ADGRL4: variants seen among roughly 807,000 people sequenced by gnomAD.
ADGRL4 encodes the protein adhesion G protein-coupled receptor L4.
Under a neutral mutation model 74.8 loss-of-function variants are expected in ADGRL4, and 90 were observed. That is an observed-to-expected ratio of 1.20 (90% CI 1.02 to 1.43). The LOEUF (loss-of-function observed/expected upper bound fraction) is 1.43. ADGRL4 is among the 40% of genes most tolerant of loss of function. The pLI, the probability that ADGRL4 is intolerant of heterozygous loss-of-function variation, is 0.00. For missense variants in ADGRL4, 881 were observed against 814.3 expected (o/e 1.08, Z -1.00); for synonymous variants, 311 against 279.2 (o/e 1.11, Z -1.14).
chr1:79,002,020 C>A (rs1329296244), intron 2 of ADGRL4, among the ~76,000 whole-genome samples: 1 of 151,962 alleles, frequency 6.6e-6, no homozygotes. Flanking sequence ...GGATTTGTTT[C>A]AGTAACATAT....
At chr1:78,992,070 A>C (rs1650617672) in intron 2 of ADGRL4, among the ~76,000 whole-genome samples, 1 of 152,058 alleles carries the variant, frequency 6.6e-6, no homozygotes, top group Non-Finnish European at 1.5e-5. Flanking sequence ...TTTCTCCCTG[A>C]TAGCATTTTC....
chr1:78,961,020 T>C (rs1283697882), intron 2 of ADGRL4, among the ~76,000 whole-genome samples: 1 of 152,208 alleles, frequency 6.6e-6, no homozygotes, highest in Non-Finnish European at 1.5e-5. Context: ...AGTAAGTTTT[T>C]TTCATCAAAA....
chr1:78,896,702 A>T (rs1453130603), intron 12 of ADGRL4, among the ~76,000 whole-genome samples: 1 of 152,140 alleles, frequency 6.6e-6, no homozygotes, highest in Admixed American at 6.6e-5. Flanking sequence ...TCATAATAAC[A>T]GTCAGACTGA....
intron 12 of ADGRL4, among the ~76,000 whole-genome samples, chr1:78,907,438 T>C (rs1222779082): frequency 6.6e-6 from 1 of 151,938 alleles, no homozygotes; most frequent in African/African-American, 2.4e-5. Context: ...GATAATATAC[T>C]GAGAGAAAAT....
intron 12 of ADGRL4, among the ~76,000 whole-genome samples, chr1:78,907,948 A>C (rs1220112810): frequency 6.6e-6 from 1 of 152,000 alleles, no homozygotes; most frequent in Non-Finnish European, 1.5e-5. Flanking sequence ...CATCAAAAAG[A>C]ATCTTAAATA....
chr1:78,903,832 A>G (rs1648568767), intron 12 of ADGRL4, among the ~76,000 whole-genome samples: 1 of 151,852 alleles, frequency 6.6e-6, no homozygotes, highest in African/African-American at 2.4e-5. Flanking sequence ...GCTACTCAGG[A>G]GGCTGAGGCA....
chr1:78,930,658 C>T (rs1649222127), intron 7 of ADGRL4, among the ~76,000 whole-genome samples: 1 of 150,932 alleles, frequency 6.6e-6, no homozygotes, highest in South Asian at 2.1e-4. Flanking sequence ...ACCATCCTGG[C>T]CAGGCTGTTC....
intron 2 of ADGRL4, among the ~76,000 whole-genome samples, chr1:78,954,383 A>G (rs889178739): frequency 7.2e-5 from 11 of 152,128 alleles, no homozygotes; most frequent in African/African-American, 2.7e-4. Context: ...GAAAAAAGAT[A>G]AAGTAAGCCT....
In ADGRL4 at chr1:78,921,635, A is replaced by C. The variant is rs185967608; in HGVS notation, c.1235T>G (p.Leu412Trp). Reference protein sequence around the residue: ...RCNHLTHFAILMSSGPSIGIK... With the variant: ...RCNHLTHFAIWMSSGPSIGIK... ...TACAATGGAAGGACCAGAGGACATC[A>C]AAATTGCAAAATGTGTCAGGTGATT... Residue 412 changes from leucine (L) to tryptophan (W), a missense_variant, in exon 9 of 15, where the codon TTG becomes TGG. By Grantham distance (61) the Leu-to-Trp change is moderately conservative (BLOSUM62 -2). Transcript: ENST00000370742. 157 of 1,579,036 alleles carry C rather than the reference A, an allele frequency of 9.9e-5. 1 individual carries two copies. Among genetic ancestry groups the C allele is most frequent in the Non-Finnish European group, 1.3e-4 (155 of 1,164,008 alleles).
chr1:78,921,549 G>T (rs1457152306), intron 9 of ADGRL4, 64 bp downstream of exon 9: 3 of 1,035,288 alleles, frequency 2.9e-6, no homozygotes, highest in Non-Finnish European at 4.0e-6. Context: ...ATATTGTCTC[G>T]AATGATGCGG....
At chr1:78,925,539 T>C (rs558683170) in intron 8 of ADGRL4, among the ~76,000 whole-genome samples, 1 of 152,128 alleles carries the variant, frequency 6.6e-6, no homozygotes. Context: ...ATATTACTTA[T>C]GAGATAGTTT....
In ADGRL4 at chr1:78,937,802, C is replaced by G. The variant is rs1649385843; in HGVS notation, c.760+5G>C. 1 of 1,597,278 alleles carries G rather than the reference C, an allele frequency of 6.3e-7. No individual in the cohort carries two copies. The highest frequency in any genetic ancestry group is 8.5e-7 in the Non-Finnish European group (1 of 1,175,498). On this transcript the variant is annotated splice_donor_5th_base_variant and intron_variant, in intron 6 of 14. Transcript: ENST00000370742. The stretch of plus-strand genomic sequence containing the variant: ...ATTACTTTTAAATGGACCCTTGTTT[C>G]TTACCTATATCCGTTGAATTTGTAT...
intron 10 of ADGRL4, among the ~76,000 whole-genome samples, chr1:78,918,804 G>T (rs1311703218): frequency 6.6e-6 from 1 of 151,822 alleles, no homozygotes; most frequent in Non-Finnish European, 1.5e-5. Flanking sequence ...AGATGACATA[G>T]TAAAATATGT....
At chr1:78,955,771 G>C (rs184469913) in intron 2 of ADGRL4, among the ~76,000 whole-genome samples, 1 of 151,952 alleles carries the variant, frequency 6.6e-6, no homozygotes, top group Admixed American at 6.6e-5. Context: ...TTATGTTGAT[G>C]AGTTTTTCCA....
intron 2 of ADGRL4, among the ~76,000 whole-genome samples, chr1:78,961,532 C>T (rs527583163): frequency 6.6e-6 from 1 of 152,282 alleles, no homozygotes; most frequent in African/African-American, 2.4e-5. Flanking sequence ...GCTCAAGTCA[C>T]TTGATTCTGT....
chr1:78,927,143 T>A, intron 7 of ADGRL4, 52 bp from the exon 8 acceptor site: 4 of 1,184,436 alleles, frequency 3.4e-6, no homozygotes, highest in Non-Finnish European at 4.9e-6. Flanking sequence ...CAAAGTGTAT[T>A]TAGACTCTTA....
intron 12 of ADGRL4, among the ~76,000 whole-genome samples, chr1:78,902,981 C>T (rs1277325626): frequency 1.3e-5 from 2 of 151,932 alleles, no homozygotes; most frequent in Non-Finnish European, 2.9e-5. Context: ...TAGTGGTTTC[C>T]AAAGTGGATT....
chr1:78,921,890 A>C, intron 8 of ADGRL4, 104 bp from the exon 9 acceptor site: 1 of 568,752 alleles, frequency 1.8e-6, no homozygotes, highest in Non-Finnish European at 2.7e-6. Context: ...ACAATGCCTT[A>C]ACAGTGAAAC....
At chr1:79,000,469 G>T (rs189722645) in intron 2 of ADGRL4, among the ~76,000 whole-genome samples, 306 of 152,204 alleles carry the variant, frequency 2.0e-3, no homozygotes, top group African/African-American at 7.1e-3. Context: ...AATCACACAG[G>T]CCCCTTTCCT....
Sources: gnomAD v4.1 joint callset for allele counts (sites outside exome capture counted in the v4.1 genomes callset) on GRCh38, gnomAD v4.1.1 for gene constraint, MANE v1.5 for transcripts, NCBI Gene and HGNC (gene_info 2026-07-23, HGNC 2026-07-21) for gene names.